DNAH7: variants seen among roughly 807,000 people sequenced by gnomAD.
DNAH7 encodes dynein axonemal heavy chain 7, also known as axonemal beta dynein heavy chain 7.
A neutral mutation model predicts 444.6 loss-of-function variants in DNAH7; 397 were observed. The observed-to-expected ratio is 0.89, with a 90% confidence interval of 0.82 to 0.97. DNAH7 has a LOEUF of 0.97. Among genes scored for constraint, DNAH7 ranks in the 50% least tolerant of loss-of-function variants. The probability of loss-of-function intolerance (pLI) is 0.00; values close to 1 mark genes in which losing one functional copy is unlikely to be tolerated. For synonymous variants in DNAH7, 1,636 were observed against 1,624.4 expected (o/e 1.01, Z -0.17); for missense variants, 4,902 against 4,800.8 (o/e 1.02, Z -0.62).
At chr2:195,894,189 G>A (rs1025678154) in intron 30 of DNAH7, 1 of 152,066 alleles carries the variant, frequency 6.6e-6, no homozygotes, top group African/African-American at 2.4e-5. Flanking sequence ...CAAAAGTCAA[G>A]CTATTTATTC....
chr2:195,895,290 TGA>T, intron 29 of DNAH7, 66 bp from the exon 30 acceptor site: 2 of 1,134,876 alleles, frequency 1.8e-6, no homozygotes, highest in African/African-American at 1.6e-5. Flanking sequence ...TATTTTGTAT[TGA>T]TGGAAATAGG....
intron 15 of DNAH7, among the ~76,000 whole-genome samples, chr2:195,978,202 T>C (rs75768262): frequency 0.038 from 5,781 of 152,082 alleles, 149 homozygotes; most frequent in Middle Eastern, 0.058. Context: ...TCCAGACAGA[T>C]AGTACAGTAA....
chr2:195,951,423 T>TG (rs1399835956), intron 19 of DNAH7, among the ~76,000 whole-genome samples: 1 of 152,184 alleles, frequency 6.6e-6, no homozygotes, highest in Non-Finnish European at 1.5e-5. Context: ...TCTGTTGATT[T>TG]GGGGCAGAGC....
chr2:195,848,614 G>C (rs1210894193), intron 46 of DNAH7, among the ~76,000 whole-genome samples: 2 of 152,228 alleles, frequency 1.3e-5, no homozygotes, highest in African/African-American at 2.4e-5. Context: ...GCTCCAAATG[G>C]AGAAGGCTGC....
At chr2:195,954,566 T>C (rs1690504596) in intron 19 of DNAH7, among the ~76,000 whole-genome samples, 1 of 152,202 alleles carries the variant, frequency 6.6e-6, no homozygotes, top group Non-Finnish European at 1.5e-5. Flanking sequence ...CTGGGTCAAA[T>C]GGTATTTCTA....
At chr2:195,942,312 G>A (rs188242099) in intron 19 of DNAH7, among the ~76,000 whole-genome samples, 20 of 151,992 alleles carry the variant, frequency 1.3e-4, no homozygotes, top group East Asian at 3.9e-4. Flanking sequence ...CAGTGCAAAC[G>A]CCCTCGGATA....
chr2:195,858,892 C>G, intron 42 of DNAH7, 88 bp from the exon 43 acceptor site: 3 of 1,133,512 alleles, frequency 2.6e-6, no homozygotes, highest in Non-Finnish European at 3.8e-6. Flanking sequence ...GCTTTCTAGG[C>G]TTTTTCAAGA....
intron 63 of DNAH7, among the ~76,000 whole-genome samples, chr2:195,746,110 A>C (rs1025448993): frequency 6.6e-6 from 1 of 152,196 alleles, no homozygotes; most frequent in Non-Finnish European, 1.5e-5. Flanking sequence ...AATCCATCTC[A>C]CGTGCAGAGA....
rs999321928 is a variant in DNAH7 at position 195,868,300 on chromosome 2, G to A, written c.6634-3279C>T. On this transcript the variant is annotated intron_variant, in intron 40 of 64. Transcript: ENST00000312428. ...TTTAGTAGAGACAGGGTTTCACCAT[G>A]GTCTCGATCTCCTGACCTCATGATC... Among the ~76,000 whole-genome samples the A allele has an allele frequency of 2.6e-5, 4 of 151,472 alleles. No homozygotes were observed. The East Asian group carries it at 5.8e-4, about 22-fold the overall frequency.
At chr2:196,045,245 G>T (rs947678113) in intron 5 of DNAH7, among the ~76,000 whole-genome samples, 1 of 146,200 alleles carries the variant, frequency 6.8e-6, no homozygotes, top group Non-Finnish European at 1.5e-5. Context: ...GAGAGGGAGG[G>T]AAGAAAAAGA....
At chr2:195,801,683 T>C (rs1696466032) in intron 54 of DNAH7, among the ~76,000 whole-genome samples, 1 of 152,218 alleles carries the variant, frequency 6.6e-6, no homozygotes, top group Admixed American at 6.5e-5. Flanking sequence ...AACGATGGTC[T>C]ACTCTGTAAA....
chr2:195,862,598 C>T (rs1481115796), intron 41 of DNAH7, among the ~76,000 whole-genome samples: 3 of 152,134 alleles, frequency 2.0e-5, no homozygotes, highest in Non-Finnish European at 4.4e-5. Context: ...ATACCACTTC[C>T]CCCCACAGTT....
intron 63 of DNAH7, among the ~76,000 whole-genome samples, chr2:195,742,272 G>T (rs935170889): frequency 5.9e-5 from 9 of 152,114 alleles, no homozygotes; most frequent in African/African-American, 2.2e-4. Context: ...CAAAGTAAGA[G>T]AACTTTATAG....
intron 2 of DNAH7, among the ~76,000 whole-genome samples, chr2:196,052,122 T>C (rs908470885): frequency 6.6e-6 from 1 of 152,220 alleles, no homozygotes; most frequent in African/African-American, 2.4e-5. Flanking sequence ...AGGATCCCAG[T>C]AGGTGGTTTT....
intron 17 of DNAH7, 116 bp downstream of exon 17, chr2:195,969,832 A>G: frequency 2.9e-6 from 3 of 1,020,752 alleles, no homozygotes; most frequent in African/African-American, 3.3e-5. Context: ...ATTATCCTCT[A>G]ATTAAATGTG....
At chr2:195,944,099 C>G (rs1436976917) in intron 19 of DNAH7, among the ~76,000 whole-genome samples, 1 of 152,046 alleles carries the variant, frequency 6.6e-6, no homozygotes, top group African/African-American at 2.4e-5. Flanking sequence ...ATACTTCTGA[C>G]CAAGCACTCT....
At chr2:195,746,608 T>G (rs1390430469) in intron 63 of DNAH7, among the ~76,000 whole-genome samples, 5 of 152,212 alleles carry the variant, frequency 3.3e-5, no homozygotes, top group Non-Finnish European at 5.9e-5. Context: ...AAAGCTGTCC[T>G]CAGCAAATGT....
At chr2:195,839,221 C>T (rs931754773) in intron 47 of DNAH7, among the ~76,000 whole-genome samples, 4 of 151,218 alleles carry the variant, frequency 2.6e-5, no homozygotes, top group African/African-American at 9.7e-5. Flanking sequence ...CAAAAAAATA[C>T]CCTAAAAGTC....
At position 195,857,663 on chromosome 2, in the gene DNAH7, C is replaced by G; in HGVS notation, c.8128G>C (p.Ala2710Pro). The change falls in exon 44 of 65, where the codon GCT becomes CCT. Residue 2710 changes from alanine to proline, a missense_variant. Transcript: ENST00000312428. ...TTGATTCCTTTCAAGATGCATATAG[C>G]TTCCATAACAAGCTTGACACCAGCA... ...PPAGVKLVME[A>P]ICILKGIKAD... 1 of 1,613,512 alleles carries G rather than the reference C, an allele frequency of 6.2e-7. No individual in the cohort carries two copies. The highest frequency in any genetic ancestry group is 8.5e-7 in the Non-Finnish European group (1 of 1,179,782).
Sources: allele counts gnomAD v4.1 joint callset (sites outside exome capture counted in the v4.1 genomes callset), GRCh38; gene constraint gnomAD v4.1.1; transcripts MANE v1.5; gene names NCBI Gene and HGNC (gene_info 2026-07-23, HGNC 2026-07-21).